Variants in PHC2 observed in about 807,000 individuals in gnomAD.
PHC2 encodes the protein polyhomeotic homolog 2.
In PHC2, 29 loss-of-function variants were observed where a neutral mutation model predicts 87.4. That is an observed-to-expected ratio of 0.33 (90% CI 0.25 to 0.45). The LOEUF (loss-of-function observed/expected upper bound fraction) is 0.45. PHC2 is among the 20% of genes least tolerant of loss of function. The probability of loss-of-function intolerance (pLI) is 1.00; values close to 1 mark genes in which losing one functional copy is unlikely to be tolerated. For synonymous variants in PHC2, 438 were observed against 461.7 expected (o/e 0.95, Z 0.66); for missense variants, 857 against 1,136.7 (o/e 0.75, Z 3.54).
chr1:33,406,402 C>A (rs944755993), intron 1 of PHC2, among the ~76,000 whole-genome samples: 1 of 152,088 alleles, frequency 6.6e-6, no homozygotes, highest in African/African-American at 2.4e-5. Context: ...ATTGGGGCCA[C>A]GTAATTCCTT....
chr1:33,324,864 C>T lies in PHC2; in HGVS notation c.*1G>A. The T allele has an allele frequency of 6.2e-6, 10 of 1,611,566 alleles. No individual in the cohort carries two copies. The highest frequency in any genetic ancestry group is 8.5e-6 in the Non-Finnish European group (10 of 1,178,404). ...GGCCAGAATCCTGGCTGCCACCAGC[C>T]CTAGGAGTCCTTGAGCATGCTGATG... On this transcript the variant is annotated 3_prime_UTR_variant, in exon 15 of 15. Coordinates refer to ENST00000683057, the MANE Select transcript of PHC2 (RefSeq NM_001385109.1).
chr1:33,344,635 G>A (rs1396831283), intron 9 of PHC2, among the ~76,000 whole-genome samples: 1 of 152,032 alleles, frequency 6.6e-6, no homozygotes, highest in African/African-American at 2.4e-5. Flanking sequence ...ATGAGGCCTC[G>A]CTCTGTCACC....
chr1:33,421,839 C>T (rs547295844), intron 1 of PHC2, among the ~76,000 whole-genome samples: 129 of 152,292 alleles, frequency 8.5e-4, no homozygotes, highest in South Asian at 1.9e-3. Flanking sequence ...TGCATGATTC[C>T]GTCTCTGGTC....
chr1:33,371,670 C>G lies in PHC2; in HGVS notation c.334-576G>C, dbSNP rs768317008. Among the ~76,000 whole-genome samples, 16 of 152,346 alleles carry G rather than the reference C, an allele frequency of 1.1e-4. 1 individual carries two copies. Among genetic ancestry groups the G allele is most frequent in the Admixed American group, 2.6e-4 (4 of 15,300 alleles). On this transcript the variant is annotated intron_variant, in intron 3 of 14. Coordinates refer to ENST00000683057, the MANE Select transcript of PHC2 (RefSeq NM_001385109.1). ...CTCCAACAGACAGGCTTTTCCTGAC[C>G]ATGCAATGCAAGGCCGTCTACCTTG...
chr1:33,398,701 T>C (rs1557844724), intron 1 of PHC2, among the ~76,000 whole-genome samples: 2 of 152,232 alleles, frequency 1.3e-5, no homozygotes, highest in African/African-American at 4.8e-5. Context: ...AAGTACCTGC[T>C]GAACGAGGGG....
At chr1:33,341,587 T>C (rs1229102276) in intron 9 of PHC2, among the ~76,000 whole-genome samples, 1 of 152,212 alleles carries the variant, frequency 6.6e-6, no homozygotes, top group African/African-American at 2.4e-5. Context: ...ACATAATATA[T>C]ACCTTCAGGA....
chr1:33,430,952 A>AGCGC (rs899730211), intron 1 of PHC2, 24 bp downstream of exon 1: 2 of 151,168 alleles, frequency 1.3e-5, no homozygotes, highest in Non-Finnish European at 2.9e-5. Flanking sequence ...AGCTGGCCCC[A>AGCGC]GCGCGCACGC....
At chr1:33,350,403 G>A (rs1471298822) in intron 9 of PHC2, 2 of 152,416 alleles carry the variant, frequency 1.3e-5, no homozygotes, top group East Asian at 3.9e-4. Flanking sequence ...GATTGAGGAA[G>A]TGGGTTCAGG....
chr1:33,411,811 G>A (rs912329333), intron 1 of PHC2, among the ~76,000 whole-genome samples: 20 of 152,014 alleles, frequency 1.3e-4, no homozygotes, highest in African/African-American at 3.9e-4. Context: ...TGCCTGCCTC[G>A]GCCTCCCAAA....
intron 9 of PHC2, among the ~76,000 whole-genome samples, chr1:33,337,867 T>C (rs963750058): frequency 2.6e-5 from 4 of 152,162 alleles, no homozygotes; most frequent in African/African-American, 4.8e-5. Flanking sequence ...GTTGGTAAGA[T>C]TTTTGGTTTT....
Position 33,330,182 on chromosome 1 carries a change from T to A in PHC2, c.2037A>T (p.Gly679=), listed in dbSNP as rs779287265. 14 of 1,614,140 alleles carry A rather than the reference T, an allele frequency of 8.7e-6. No individual in the cohort carries two copies. The South Asian group carries it at 1.4e-4, about 16-fold the overall frequency. ...GCTTGCTCCGGTCTGAGTGGAAAAGTCCCACCCGTTTGGTGCATCCCACGT... is the reference window on the plus strand; with the variant it reads ...GCTTGCTCCGGTCTGAGTGGAAAAGACCCACCCGTTTGGTGCATCCCACGT... ...RYNVGCTKRV[G]LFHSDRSKLQ... The change falls in exon 13 of 15, where the codon GGA becomes GGT. Residue 679 remains glycine (G), a synonymous_variant. Coordinates refer to ENST00000683057, the MANE Select transcript of PHC2 (RefSeq NM_001385109.1).
At chr1:33,326,422 A>G (rs926478701) in intron 14 of PHC2, 1 of 152,876 alleles carries the variant, frequency 6.5e-6, no homozygotes, top group African/African-American at 2.4e-5. Context: ...ATTCAATCCA[A>G]AGGCTCTCGA....
At chr1:33,424,948 G>A (rs1650607930) in intron 1 of PHC2, among the ~76,000 whole-genome samples, 2 of 151,998 alleles carry the variant, frequency 1.3e-5, no homozygotes, top group Non-Finnish European at 2.9e-5. Context: ...ACAGGAATGG[G>A]ACATGAATTA....
At position 33,349,830 on chromosome 1, in the gene PHC2, GGCGGCGGCCGGGGTTGCGCGCGC is replaced by G; in HGVS notation, c.1558+4548_1558+4570del. The G allele has an allele frequency of 1.0e-6, 1 of 976,350 alleles. No homozygotes were observed. Among genetic ancestry groups the G allele is most frequent in the Non-Finnish European group, 1.2e-6 (1 of 824,614 alleles). The allele number at this position is 976,350 out of a possible 1,614,324, so 60.5% of individuals were successfully genotyped here. A position where few individuals can be genotyped will look rare whatever the true frequency, so the allele number is the denominator to read the frequency against. ...GGCGCGAGGCCGGGGCGGGAGCGCG[GGCGGCGGCCGGGGTTGCGCGCGC>G]GCGCGCGGCGGGCGCTCGAGGGCTG... On this transcript the variant is annotated intron_variant, in intron 9 of 14. Coordinates refer to ENST00000683057, the MANE Select transcript of PHC2 (RefSeq NM_001385109.1). This position sits in a 1 kb window ranked among gnomAD's most constrained non-coding sequence, Gnocchi z 4.2.
At chr1:33,360,014 G>C (rs1234221028) in intron 7 of PHC2, among the ~76,000 whole-genome samples, 1 of 152,244 alleles carries the variant, frequency 6.6e-6, no homozygotes. Flanking sequence ...GTTAGAGTTA[G>C]CTCTAGAGGT....
At chr1:33,380,593 GGGTGGTTT>G (rs1648446412) in intron 1 of PHC2, among the ~76,000 whole-genome samples, 1 of 152,176 alleles carries the variant, frequency 6.6e-6, no homozygotes, top group South Asian at 2.1e-4. Context: ...ATGAACACTG[GGGTGGTTT>G]CCACCTTTTG....
intron 1 of PHC2, among the ~76,000 whole-genome samples, chr1:33,383,194 C>T (rs1202415534): frequency 6.6e-6 from 1 of 152,208 alleles, no homozygotes; most frequent in Non-Finnish European, 1.5e-5. Context: ...TCGGCTGCTG[C>T]ATGAACATAA....
In PHC2 at chr1:33,336,873, G is replaced by A. The variant is rs1646648805; in HGVS notation, c.1559-2581C>T. 3.3e-5 allele frequency: 5 copies of A among 152,328 alleles called. No individual in the cohort carries two copies. In the South Asian group the frequency reaches 1.0e-3, roughly 32 times the overall value. 9.4% of individuals were successfully genotyped at this position (152,328 alleles called of 1,614,324 possible). A position where few individuals can be genotyped will look rare whatever the true frequency, so the allele number is the denominator to read the frequency against. On this transcript the variant is annotated intron_variant, in intron 9 of 14. Transcript: ENST00000683057. ...AGATGGCCCTCACATCCATGTTTGA[G>A]AACGTAGAAAAAACCCCTTTCCCTC...
At chr1:33,412,696 C>T (rs1650033358) in intron 1 of PHC2, among the ~76,000 whole-genome samples, 1 of 152,130 alleles carries the variant, frequency 6.6e-6, no homozygotes, top group South Asian at 2.1e-4. Flanking sequence ...TTCTCAAGTT[C>T]GGTGCAACTT....
Sources: allele counts gnomAD v4.1 joint callset (sites outside exome capture counted in the v4.1 genomes callset), GRCh38; gene constraint gnomAD v4.1.1; non-coding constraint Gnocchi (gnomAD v3.1); transcripts MANE v1.5; gene names NCBI Gene and HGNC (gene_info 2026-07-23, HGNC 2026-07-21).